Variants in WWOX observed in about 807,000 individuals in gnomAD.
WWOX encodes the protein WW domain containing oxidoreductase.
Under a neutral mutation model 46.2 loss-of-function variants are expected in WWOX, and 69 were observed. The ratio of observed to expected loss-of-function variants is 1.49; its 90% CI spans 1.23 to 1.82. The LOEUF is 1.82. Ranked by LOEUF, WWOX falls within the 40% of genes most tolerant of loss-of-function variation. The pLI, the probability that WWOX is intolerant of heterozygous loss-of-function variation, is 0.00. For synonymous variants in WWOX, 359 were observed against 202.6 expected (o/e 1.77, Z -6.56); for missense variants, 919 against 542.6 (o/e 1.69, Z -6.89).
Position 78,348,880 on chromosome 16 carries a change from TACATTAATGGAGGCA to T in WWOX, c.517-37976_517-37962del, listed in dbSNP as rs1386028587. 1.7e-5 allele frequency among the ~76,000 whole-genome samples: 2 copies of T among 118,110 alleles called. 1 individual carries two copies. Among genetic ancestry groups the T allele is most frequent in the African/African-American group, 5.7e-5 (2 of 34,820 alleles). The allele number at this position is 118,110 out of a possible 152,430, so 77.5% of individuals were successfully genotyped here. A position where few individuals can be genotyped will look rare whatever the true frequency, so the allele number is the denominator to read the frequency against. The stretch of plus-strand genomic sequence containing the variant: ...TGTTAGTGAGTTTTTGTGGTGGTGA[TACATTAATGGAGGCA>T]ACAGAGGGTCAGAAATCAGGGTGGA... On this transcript the variant is annotated intron_variant, in intron 5 of 8. Coordinates refer to ENST00000566780, the MANE Select transcript of WWOX (RefSeq NM_016373.4).
At chr16:78,685,230 C>A (rs527728854) in intron 8 of WWOX, among the ~76,000 whole-genome samples, 1 of 152,252 alleles carries the variant, frequency 6.6e-6, no homozygotes, top group African/African-American at 2.4e-5. Context: ...GGAGTATTCC[C>A]TAATGGTAGA....
At chr16:78,839,542 G>A (rs560524307) in intron 8 of WWOX, among the ~76,000 whole-genome samples, 10 of 152,306 alleles carry the variant, frequency 6.6e-5, no homozygotes, top group African/African-American at 2.4e-4. Flanking sequence ...GCTAATAGGT[G>A]TTAATACTTT....
At chr16:78,478,311 C>G (rs2084402402) in intron 8 of WWOX, among the ~76,000 whole-genome samples, 1 of 152,164 alleles carries the variant, frequency 6.6e-6, no homozygotes, top group African/African-American at 2.4e-5. Context: ...TATCCATCTT[C>G]TCAGACGGTT....
chr16:78,552,546 G>C (rs74029548), intron 8 of WWOX: 8,167 of 152,254 alleles, frequency 0.054, 287 homozygotes, highest in African/African-American at 0.083. Context: ...GGAGGGTCCA[G>C]GAGCCCCCTG....
intron 4 of WWOX, among the ~76,000 whole-genome samples, chr16:78,147,957 C>T (rs1324516881): frequency 1.3e-5 from 2 of 151,720 alleles, no homozygotes; most frequent in Non-Finnish European, 2.9e-5. Context: ...TGAGTGTGTG[C>T]GTGTAGAATC....
chr16:79,069,306 C>A (rs774305296), intron 8 of WWOX, among the ~76,000 whole-genome samples: 2 of 152,192 alleles, frequency 1.3e-5, no homozygotes, highest in African/African-American at 2.4e-5. Context: ...CGTGTGGCTT[C>A]GCATTAATCA....
chr16:79,201,624 C>G (rs1342324871), intron 8 of WWOX, among the ~76,000 whole-genome samples: 1 of 152,178 alleles, frequency 6.6e-6, no homozygotes, highest in East Asian at 1.9e-4. Flanking sequence ...ACGCTGTTTT[C>G]CAACCATTAA....
intron 8 of WWOX, among the ~76,000 whole-genome samples, chr16:78,751,306 G>C (rs892625154): frequency 6.6e-6 from 1 of 151,186 alleles, no homozygotes; most frequent in Admixed American, 6.6e-5. Flanking sequence ...ATTAAATTTA[G>C]CTGGGTTTCC....
rs541864437 is a variant in WWOX, at chr16:78,567,816, T to A, written c.1056+135064T>A. 1.2e-3 allele frequency among the ~76,000 whole-genome samples: 187 copies of A among 152,016 alleles called. 2 individuals carry two copies. The highest frequency in any genetic ancestry group is 4.3e-3 in the African/African-American group (177 of 41,470). On this transcript the variant is annotated intron_variant, in intron 8 of 8. Transcript: ENST00000566780. ...CCAGCAGAGCCTCCAGCCGGGGTGGTCTCGAGGAGGCCCATTACCGGCTGG... is the reference window on the plus strand; with the variant it reads ...CCAGCAGAGCCTCCAGCCGGGGTGGACTCGAGGAGGCCCATTACCGGCTGG...
At chr16:79,004,834 C>G (rs573370114) in intron 8 of WWOX, 23 of 152,328 alleles carry the variant, frequency 1.5e-4, no homozygotes, top group African/African-American at 5.3e-4. Flanking sequence ...TGGGTTTTCC[C>G]TCAGCTTGCT....
chr16:79,139,040 C>T (rs976832654), intron 8 of WWOX, among the ~76,000 whole-genome samples: 10 of 152,138 alleles, frequency 6.6e-5, no homozygotes, highest in African/African-American at 2.4e-4. Flanking sequence ...CTGCCCTGAA[C>T]GAAGATAGAT....
intron 8 of WWOX, among the ~76,000 whole-genome samples, chr16:78,498,309 T>C (rs1294956105): frequency 6.6e-6 from 1 of 152,240 alleles, no homozygotes; most frequent in Non-Finnish European, 1.5e-5. Flanking sequence ...GTTTATTTTA[T>C]TGCTCTGTAA....
At chr16:78,211,633 G>A (rs2036562886) in intron 5 of WWOX, among the ~76,000 whole-genome samples, 1 of 152,194 alleles carries the variant, frequency 6.6e-6, no homozygotes. Flanking sequence ...CTGCTGGACT[G>A]TGTGCTTAGA....
At chr16:78,928,719 A>ACTTTTATGGACCTC (rs2045556711) in intron 8 of WWOX, among the ~76,000 whole-genome samples, 1 of 152,152 alleles carries the variant, frequency 6.6e-6, no homozygotes, top group Admixed American at 6.5e-5. Flanking sequence ...GCTCTCTTTC[A>ACTTTTATGGACCTC]TCAACACTTT....
intron 8 of WWOX, among the ~76,000 whole-genome samples, chr16:78,590,278 C>T (rs1019800662): frequency 7.2e-5 from 11 of 152,138 alleles, no homozygotes; most frequent in African/African-American, 2.2e-4. Flanking sequence ...GTGAGGGCTG[C>T]TTTCTATCCT....
chr16:78,233,237 A>G (rs1283057801), intron 5 of WWOX, among the ~76,000 whole-genome samples: 1 of 152,228 alleles, frequency 6.6e-6, no homozygotes, highest in Non-Finnish European at 1.5e-5. Context: ...ACAGATATGC[A>G]GATTTATTCA....
intron 8 of WWOX, among the ~76,000 whole-genome samples, chr16:78,544,611 C>T (rs1411907938): frequency 6.6e-6 from 1 of 152,178 alleles, no homozygotes; most frequent in Non-Finnish European, 1.5e-5. Context: ...TGTGGCTGGG[C>T]ATGGTGGCTC....
chr16:78,907,555 G>A (rs897656531), intron 8 of WWOX, among the ~76,000 whole-genome samples: 5 of 152,156 alleles, frequency 3.3e-5, no homozygotes, highest in African/African-American at 1.2e-4. Flanking sequence ...AGTTAGCTTG[G>A]CCCAAGCCCA....
At chr16:78,435,904 G>A (rs1281139813) in intron 8 of WWOX, among the ~76,000 whole-genome samples, 1 of 152,202 alleles carries the variant, frequency 6.6e-6, no homozygotes, top group African/African-American at 2.4e-5. Flanking sequence ...AATTTCTGCA[G>A]TTATTATAAT....
Sources: allele counts gnomAD v4.1 joint callset (sites outside exome capture counted in the v4.1 genomes callset), GRCh38; gene constraint gnomAD v4.1.1; transcripts MANE v1.5; gene names NCBI Gene and HGNC (gene_info 2026-07-23, HGNC 2026-07-21).